C7orf78: variants seen among roughly 807,000 people sequenced by gnomAD.
C7orf78 encodes putative uncharacterized protein C7orf78.
chr7:12,509,018 G>A, the C7orf78 span, among the ~76,000 whole-genome samples: 2 of 152,186 alleles, frequency 1.3e-5, no homozygotes, highest in African/African-American at 4.8e-5. Context: ...TGCACAGTAA[G>A]TGTAATGCAT....
the C7orf78 span, among the ~76,000 whole-genome samples, chr7:12,488,474 A>T: frequency 6.6e-6 from 1 of 152,110 alleles, no homozygotes; most frequent in African/African-American, 2.4e-5. Flanking sequence ...TAGAATAGTT[A>T]TTGGAAAAGT....
chr7:12,499,696 C>A, the C7orf78 span, among the ~76,000 whole-genome samples: 1 of 151,572 alleles, frequency 6.6e-6, no homozygotes, highest in African/African-American at 2.4e-5. Context: ...ACAAGGATAC[C>A]CAGGAATTGA....
chr7:12,531,860 G>A, the C7orf78 span, among the ~76,000 whole-genome samples: 4 of 152,130 alleles, frequency 2.6e-5, no homozygotes, highest in Admixed American at 2.0e-4. Context: ...CTCCTTTCCA[G>A]AGAGAGAGAA....
chr7:12,502,990 A>C, the C7orf78 span, among the ~76,000 whole-genome samples: 31 of 149,516 alleles, frequency 2.1e-4, no homozygotes, highest in East Asian at 6.1e-3. Context: ...ACAACAAAAA[A>C]CCAAACACTG....
chr7:12,524,634 G>A, the C7orf78 span, among the ~76,000 whole-genome samples: 1 of 152,146 alleles, frequency 6.6e-6, no homozygotes, highest in East Asian at 1.9e-4. Context: ...CATGAGGTCA[G>A]GAGTTCGAGA....
At chr7:12,496,079 C>G in the C7orf78 span, among the ~76,000 whole-genome samples, 48 of 152,228 alleles carry the variant, frequency 3.2e-4, no homozygotes, top group East Asian at 6.2e-3. Context: ...GTGCCCGCCA[C>G]CACACCTGGC....
the C7orf78 span, among the ~76,000 whole-genome samples, chr7:12,535,590 T>G: frequency 6.6e-6 from 1 of 152,136 alleles, no homozygotes; most frequent in African/African-American, 2.4e-5. Flanking sequence ...CAATCATGTC[T>G]TCCCAACAGT....
At chr7:12,523,003 A>G in the C7orf78 span, 52 of 398,172 alleles carry the variant, frequency 1.3e-4, no homozygotes, top group Middle Eastern at 6.2e-4. Context: ...CCCACATAAT[A>G]TACCATGAGT....
At chr7:12,521,457 T>C in the C7orf78 span, among the ~76,000 whole-genome samples, 1 of 152,022 alleles carries the variant, frequency 6.6e-6, no homozygotes, top group Non-Finnish European at 1.5e-5. Context: ...TGACCTTCTT[T>C]CATAAACTGT....
chr7:12,533,942 A>C, the C7orf78 span, among the ~76,000 whole-genome samples: 1 of 152,248 alleles, frequency 6.6e-6, no homozygotes, highest in East Asian at 1.9e-4. Flanking sequence ...ATACTTCAAA[A>C]GCAAATCTAC....
chr7:12,488,052 A>T, the C7orf78 span, among the ~76,000 whole-genome samples: 1 of 152,100 alleles, frequency 6.6e-6, no homozygotes, highest in Non-Finnish European at 1.5e-5. Flanking sequence ...AAGTATGCCA[A>T]TTCTCAAGTA....
At chr7:12,515,388 C>G in the C7orf78 span, among the ~76,000 whole-genome samples, 2 of 152,216 alleles carry the variant, frequency 1.3e-5, no homozygotes, top group Admixed American at 6.5e-5. Context: ...ATTCTGAGGC[C>G]TCCCCAGCCA....
the C7orf78 span, among the ~76,000 whole-genome samples, chr7:12,488,496 T>C: frequency 3.3e-5 from 5 of 152,214 alleles, no homozygotes; most frequent in South Asian, 6.2e-4. Context: ...AAGCTTTTTC[T>C]TCAATTAAAT....
At chr7:12,523,221 A>G in the C7orf78 span, 1 of 391,870 alleles carries the variant, frequency 2.6e-6, no homozygotes, top group South Asian at 1.3e-4. Context: ...CCAATTAAGG[A>G]AGAAAAAAGG....
At chr7:12,488,931 T>TA in the C7orf78 span, among the ~76,000 whole-genome samples, 1 of 150,346 alleles carries the variant, frequency 6.7e-6, no homozygotes, top group Non-Finnish European at 1.5e-5. Context: ...TTTTTTGGTT[T>TA]TTTGCTTTGG....
chr7:12,499,861 A>G, the C7orf78 span, among the ~76,000 whole-genome samples: 3 of 147,288 alleles, frequency 2.0e-5, no homozygotes, highest in African/African-American at 7.5e-5. Flanking sequence ...GTAAAAGAAC[A>G]GAAATTATAA....
At chr7:12,516,911 G>T in the C7orf78 span, among the ~76,000 whole-genome samples, 1 of 152,170 alleles carries the variant, frequency 6.6e-6, no homozygotes, top group Non-Finnish European at 1.5e-5. Context: ...GCTCATAGGC[G>T]GAAGGGAGTT....
chr7:12,503,740 T>G, the C7orf78 span, among the ~76,000 whole-genome samples: 1 of 152,194 alleles, frequency 6.6e-6, no homozygotes, highest in Non-Finnish European at 1.5e-5. Context: ...TTAAAAAGTT[T>G]TTTTAACTTA....
chr7:12,490,259 CA>C, the C7orf78 span, among the ~76,000 whole-genome samples: 1 of 152,050 alleles, frequency 6.6e-6, no homozygotes, highest in Non-Finnish European at 1.5e-5. Flanking sequence ...TGCTTGTAAT[CA>C]TAATAGAGGG....
Sources: allele counts gnomAD v4.1 joint callset (sites outside exome capture counted in the v4.1 genomes callset), GRCh38; gene constraint gnomAD v4.1.1; transcripts MANE v1.5; gene names NCBI Gene and HGNC (gene_info 2026-07-23, HGNC 2026-07-21).